RGL3: variants seen among roughly 807,000 people sequenced by gnomAD.
The protein encoded by RGL3 is ral guanine nucleotide dissociation stimulator like 3.
A neutral mutation model predicts 90.6 loss-of-function variants in RGL3; 85 were observed. That is an observed-to-expected ratio of 0.94 (90% CI 0.79 to 1.12). The LOEUF (loss-of-function observed/expected upper bound fraction) is 1.12. RGL3 is among the 50% of genes most tolerant of loss of function. RGL3 has a pLI of 0.00. For missense variants in RGL3, 1,034 were observed against 939.2 expected (o/e 1.10, Z -1.32); for synonymous variants, 408 against 385.5 (o/e 1.06, Z -0.68).
chr19:11,394,353 C>G lies in RGL3; in HGVS notation c.*49G>C. The G allele has an allele frequency of 6.9e-7, 1 of 1,441,662 alleles. No homozygotes were observed. The highest frequency in any genetic ancestry group is 1.8e-4 in the Middle Eastern group (1 of 5,428). The allele number at this position is 1,441,662 out of a possible 1,614,324, so 89.3% of individuals were successfully genotyped here. On this transcript the variant is annotated 3_prime_UTR_variant, in exon 19 of 19. Transcript: ENST00000380456. ...GATGGCAGCTTTCCAGGAGAAGAGT[C>G]GCAAGCTTGCCTGTGGGACTTGTGT...
At chr19:11,400,002 C>A in intron 15 of RGL3, 38 bp downstream of exon 15, 1 of 1,596,696 alleles carries the variant, frequency 6.3e-7, no homozygotes, top group Non-Finnish European at 8.5e-7. Flanking sequence ...ACTCCTGATC[C>A]CATGATCCCC....
chr19:11,397,378 G>A lies in RGL3; in HGVS notation c.1900-20C>T. The A allele has an allele frequency of 6.3e-7, 1 of 1,591,436 alleles. No individual in the cohort carries two copies. Among genetic ancestry groups the A allele is most frequent in the Non-Finnish European group, 8.6e-7 (1 of 1,167,710 alleles). On this transcript the variant is annotated intron_variant, in intron 17 of 18. Transcript: ENST00000380456. The stretch of plus-strand genomic sequence containing the variant: ...GGTCAGCTGGAAGAGAGGGGCGGGA[G>A]GTGAGGTGAGGGCCCCGGCCCCAAG...
chr19:11,406,023 C>G lies in RGL3; in HGVS notation c.996+396G>C, dbSNP rs1027855947. On this transcript the variant is annotated intron_variant, in intron 7 of 18. Coordinates refer to ENST00000380456, the MANE Select transcript of RGL3 (RefSeq NM_001035223.4). The stretch of plus-strand genomic sequence containing the variant: ...ACAGGCGTGAGTCACTGCGCCCAGC[C>G]TGATCCCGTGACTTGTGACGCCAGG... 5.9e-5 allele frequency among the ~76,000 whole-genome samples: 9 copies of G among 151,840 alleles called. No individual in the cohort carries two copies. The South Asian group carries it at 1.9e-3, about 32-fold the overall frequency.
intron 18 of RGL3, among the ~76,000 whole-genome samples, chr19:11,395,200 A>C (rs954997520): frequency 1.4e-4 from 20 of 143,060 alleles, no homozygotes; most frequent in East Asian, 4.1e-4. Context: ...TGCTCACCCT[A>C]CCCCTCCCCC....
chr19:11,396,469 C>A (rs535962903), intron 18 of RGL3, among the ~76,000 whole-genome samples: 1 of 151,538 alleles, frequency 6.6e-6, no homozygotes, highest in South Asian at 2.1e-4. Context: ...CCGCACCCAG[C>A]CAATTTCTCT....
At position 11,394,392 on chromosome 19, in the gene RGL3, C is replaced by G. The variant is rs200937561; in HGVS notation, c.*10G>C. On this transcript the variant is annotated 3_prime_UTR_variant, in exon 19 of 19. Coordinates refer to ENST00000380456, the MANE Select transcript of RGL3 (RefSeq NM_001035223.4). ...TGGGACTTGTGTCTTGTGGAGAGGACAGGGCTGCCTCAGCTTGGGGAGACA... is the reference window on the plus strand; with the variant it reads ...TGGGACTTGTGTCTTGTGGAGAGGAGAGGGCTGCCTCAGCTTGGGGAGACA... The G allele has an allele frequency of 6.2e-7, 1 of 1,603,412 alleles. No homozygotes were observed. Among genetic ancestry groups the G allele is most frequent in the South Asian group, 1.1e-5 (1 of 90,842 alleles).
At chr19:11,400,705 A>G (rs530151414) in intron 13 of RGL3, among the ~76,000 whole-genome samples, 1 of 151,894 alleles carries the variant, frequency 6.6e-6, no homozygotes, top group South Asian at 2.1e-4. Flanking sequence ...TACAAAAAAA[A>G]TTAGCCAGGT....
In RGL3 at chr19:11,418,672, T is replaced by A. The variant is rs919193521; in HGVS notation, c.146A>T (p.Gln49Leu). Reference sequence around the variant, plus strand: ...CCACCCACCAAACCCCCTCCTCACCTGGCTGCCCCCGGGGCCCTCCGCCGG... The same window carrying A: ...CCACCCACCAAACCCCCTCCTCACCAGGCTGCCCCCGGGGCCCTCCGCCGG... ...RSPAEGPGGS[Q>L]APSPIANTFL... Residue 49 changes from glutamine (Q) to leucine (L), a missense_variant and splice_region_variant, in exon 2 of 19, where the codon CAG becomes CTG. Transcript: ENST00000380456. 6.5e-7 allele frequency: 1 copy of A among 1,546,502 alleles called. No individual in the cohort carries two copies. Among genetic ancestry groups the A allele is most frequent in the Non-Finnish European group, 8.7e-7 (1 of 1,150,890 alleles).
chr19:11,399,669 C>T (rs1204352132), intron 16 of RGL3, among the ~76,000 whole-genome samples, 186 bp downstream of exon 16: 2 of 152,146 alleles, frequency 1.3e-5, no homozygotes, highest in African/African-American at 2.4e-5. Flanking sequence ...TATGAGTGAT[C>T]ACCCAAACAG....
chr19:11,410,140 T>C (rs1968848273), intron 5 of RGL3, among the ~76,000 whole-genome samples: 2 of 149,618 alleles, frequency 1.3e-5, no homozygotes. Flanking sequence ...TTATTATTTA[T>C]TTATTTTTTA....
At chr19:11,399,365 G>A (rs1408037890) in intron 16 of RGL3, among the ~76,000 whole-genome samples, 2 of 152,128 alleles carry the variant, frequency 1.3e-5, no homozygotes, top group African/African-American at 2.4e-5. Flanking sequence ...TCAGGAGTTC[G>A]AAACCCACCT....
intron 17 of RGL3, 39 bp downstream of exon 17, chr19:11,397,406 C>A: frequency 6.3e-7 from 1 of 1,588,674 alleles, no homozygotes. Flanking sequence ...GCCCCAAGGG[C>A]AGGGCAGCCT....
chr19:11,419,053 C>T (rs574930720), intron 1 of RGL3, among the ~76,000 whole-genome samples, 193 bp downstream of exon 1: 48 of 152,326 alleles, frequency 3.2e-4, no homozygotes, highest in Non-Finnish European at 4.7e-4. Context: ...CTGCCGACTG[C>T]GCTCAGAGAC....
intron 5 of RGL3, among the ~76,000 whole-genome samples, chr19:11,412,280 C>CAAA (rs35289278): frequency 4.6e-5 from 3 of 65,614 alleles, no homozygotes; most frequent in Non-Finnish European, 6.3e-5. Flanking sequence ...AACTCCGTCT[C>CAAA]AAAAAAAAAA....
intron 16 of RGL3, among the ~76,000 whole-genome samples, chr19:11,399,332 C>T (rs1264548745): frequency 3.9e-5 from 6 of 152,088 alleles, no homozygotes; most frequent in South Asian, 2.1e-4. Flanking sequence ...TTTGGGAGGC[C>T]GAGGTGAGTG....
intron 5 of RGL3, among the ~76,000 whole-genome samples, chr19:11,415,220 T>C (rs1476402611): frequency 6.6e-6 from 1 of 151,740 alleles, no homozygotes; most frequent in African/African-American, 2.4e-5. Flanking sequence ...CTAGGTATAG[T>C]GGCTCGCGCC....
Position 11,394,412 on chromosome 19 carries a change from GAGAC to G in RGL3, c.2119_2122del (p.Val707ProfsTer100), listed in dbSNP as rs756665391. The G allele has an allele frequency of 4.4e-5, 71 of 1,613,436 alleles. No individual in the cohort carries two copies. The highest frequency in any genetic ancestry group is 1.1e-4 in the African/African-American group (8 of 74,976). The stretch of plus-strand genomic sequence containing the variant: ...GAGGACAGGGCTGCCTCAGCTTGGG[GAGAC>G]AGACAGAGTGTTCCGGGTCCCCTCT... On this transcript the variant is annotated frameshift_variant, in exon 19 of 19. Coordinates refer to ENST00000380456, the MANE Select transcript of RGL3 (RefSeq NM_001035223.4). LOFTEE classifies it high-confidence loss of function.
Position 11,394,459 on chromosome 19 carries a change from G to A in RGL3, c.2076C>T (p.Asp692=), listed in dbSNP as rs776939455. 2 of 1,614,092 alleles carry A rather than the reference G, an allele frequency of 1.2e-6. No homozygotes were observed. The highest frequency in any genetic ancestry group is 3.3e-5 in the Admixed American group (2 of 59,994). ...FYAMSPVAPR[D]FMLRRKEGTR... is the part of the protein sequence containing the mutation. ...TCCCCTCTTTCCGCCGCAGCATGAA[G>A]TCTCTGGGGGCGACTGGACTCATGG... The change falls in exon 19 of 19, where the codon GAC becomes GAT. Residue 692 remains aspartate, a synonymous_variant. Coordinates refer to ENST00000380456, the MANE Select transcript of RGL3 (RefSeq NM_001035223.4).
chr19:11,400,119 G>A lies in RGL3; in HGVS notation c.1581-11C>T, dbSNP rs1968647358. 1 of 1,605,864 alleles carries A rather than the reference G, an allele frequency of 6.2e-7. No individual in the cohort carries two copies. Reference sequence around the variant, plus strand: ...TCTCGGGCAAGCTTCCTAAGGATGGGGACAGGGGATGAGGCTAAGGCAGGA... The same window carrying A: ...TCTCGGGCAAGCTTCCTAAGGATGGAGACAGGGGATGAGGCTAAGGCAGGA... On this transcript the variant is annotated splice_polypyrimidine_tract_variant and intron_variant, in intron 14 of 18. Transcript: ENST00000380456.
Sources: gnomAD v4.1 joint callset for allele counts (sites outside exome capture counted in the v4.1 genomes callset) on GRCh38, gnomAD v4.1.1 for gene constraint, MANE v1.5 for transcripts, NCBI Gene and HGNC (gene_info 2026-07-23, HGNC 2026-07-21) for gene names.